USP6NL: variants seen among roughly 807,000 people sequenced by gnomAD.
USP6NL encodes USP6 N-terminal like, also known as USP6 N-terminal-like protein.
USP6NL carries 26 observed loss-of-function variants against 61.9 expected under a neutral mutation model. The observed-to-expected ratio is 0.42, with a 90% confidence interval of 0.31 to 0.58. The LOEUF is 0.58. Among genes scored for constraint, USP6NL ranks in the 20% least tolerant of loss-of-function variants. The pLI, the probability that USP6NL is intolerant of heterozygous loss-of-function variation, is 0.16. For missense variants in USP6NL, 1,114 were observed against 1,034.3 expected, an observed-to-expected ratio of 1.08 and a Z score of -1.06; for synonymous variants, 432 against 390.1, an observed-to-expected ratio of 1.11 and a Z score of -1.27.
chr10:11,567,000 G>C (rs1837186849), intron 2 of USP6NL, among the ~76,000 whole-genome samples: 1 of 152,202 alleles, frequency 6.6e-6, no homozygotes, highest in Non-Finnish European at 1.5e-5. Flanking sequence ...TGTAGTCCCA[G>C]CTACTTGGGA....
chr10:11,485,144 C>CT lies in USP6NL; in HGVS notation c.825+24dup, dbSNP rs1566125828. On this transcript the variant is annotated intron_variant, in intron 12 of 14. Transcript: ENST00000609104. The surrounding 1 kb of genome is among the most constrained non-coding windows in gnomAD (Gnocchi z 4.8). ...TCACCTTGTATTTATAATTTTATGACTGAGTTTTGTAAATAAATACTTACA... is the reference window on the plus strand; with the variant it reads ...TCACCTTGTATTTATAATTTTATGACTTGAGTTTTGTAAATAAATACTTACA... The CT allele has an allele frequency of 6.5e-7, 1 of 1,538,056 alleles. No homozygotes were observed. The highest frequency in any genetic ancestry group is 2.4e-5 in the East Asian group (1 of 40,884).
intron 8 of USP6NL, among the ~76,000 whole-genome samples, chr10:11,492,266 T>C (rs1833736092): frequency 6.6e-6 from 1 of 152,250 alleles, no homozygotes; most frequent in Non-Finnish European, 1.5e-5. Context: ...AAGGCTGGAC[T>C]GCAGTGGTTG....
rs1437770807 is a variant in USP6NL at position 11,461,372 on chromosome 10, T to C, written c.*1069A>G. The C allele has an allele frequency of 8.5e-5, 13 of 152,222 alleles. No individual in the cohort carries two copies. The highest frequency in any genetic ancestry group is 3.3e-4 in the Admixed American group (5 of 15,282). 9.4% of individuals were successfully genotyped at this position (152,222 alleles called of 1,614,324 possible). A position where few individuals can be genotyped will look rare whatever the true frequency, so the allele number is the denominator to read the frequency against. ...TAGGATCATTTTTATAATTTTAACA[T>C]GGACAATGTAATGGCCTGATGAGGT... On this transcript the variant is annotated 3_prime_UTR_variant, in exon 15 of 15. Coordinates refer to ENST00000609104, the MANE Select transcript of USP6NL (RefSeq NM_014688.5).
chr10:11,580,649 T>C (rs940059254), intron 2 of USP6NL, among the ~76,000 whole-genome samples: 4 of 152,176 alleles, frequency 2.6e-5, no homozygotes, highest in Non-Finnish European at 4.4e-5. Flanking sequence ...TGTGACTTCA[T>C]TGTCCTAGGG....
chr10:11,501,739 T>C (rs1834205929), intron 6 of USP6NL, among the ~76,000 whole-genome samples: 1 of 152,170 alleles, frequency 6.6e-6, no homozygotes, highest in Non-Finnish European at 1.5e-5. Flanking sequence ...ATCTGAAAAC[T>C]CCAGTTAATC....
At chr10:11,606,793 T>TTCTTTTTTTTTTTTTG (rs1838718078) in intron 1 of USP6NL, among the ~76,000 whole-genome samples, 1 of 152,004 alleles carries the variant, frequency 6.6e-6, no homozygotes, top group African/African-American at 2.4e-5. Context: ...TTGAAATTTT[T>TTCTTTTTTTTTTTTTG]TCTTTTTTTT....
In USP6NL at chr10:11,462,395, G is replaced by A; in HGVS notation, c.*46C>T. The A allele has an allele frequency of 1.9e-6, 3 of 1,578,066 alleles. No individual in the cohort carries two copies. Among genetic ancestry groups the A allele is most frequent in the Non-Finnish European group, 1.7e-6 (2 of 1,162,130 alleles). ...GGCAATTATGAACATAGCAATGTAG[G>A]TTTCACGTGGTTTCTCTCTCGTCTT... On this transcript the variant is annotated 3_prime_UTR_variant, in exon 15 of 15. Transcript: ENST00000609104.
At chr10:11,538,139 G>C (rs1835907436) in intron 2 of USP6NL, among the ~76,000 whole-genome samples, 1 of 152,112 alleles carries the variant, frequency 6.6e-6, no homozygotes, top group South Asian at 2.1e-4. Flanking sequence ...TCCTGGGTCA[G>C]CTTCTATTAT....
At chr10:11,500,406 A>G (rs1443063443) in intron 7 of USP6NL, among the ~76,000 whole-genome samples, 1 of 152,004 alleles carries the variant, frequency 6.6e-6, no homozygotes, top group Non-Finnish European at 1.5e-5. Context: ...TTTTTTGTAC[A>G]TATTTTCTAA....
chr10:11,577,569 C>T (rs1837597605), intron 2 of USP6NL, among the ~76,000 whole-genome samples: 2 of 152,088 alleles, frequency 1.3e-5, no homozygotes, highest in Non-Finnish European at 2.9e-5. Context: ...GGCGCAATCT[C>T]GGCTCACTGC....
chr10:11,505,647 G>A (rs1284411619), intron 6 of USP6NL, among the ~76,000 whole-genome samples: 2 of 151,924 alleles, frequency 1.3e-5, no homozygotes, highest in Non-Finnish European at 2.9e-5. Flanking sequence ...GTCTACAGTA[G>A]TCCCACAGAA....
intron 2 of USP6NL, among the ~76,000 whole-genome samples, chr10:11,534,628 AGAGT>A (rs1176639587): frequency 2.6e-5 from 4 of 152,362 alleles, no homozygotes; most frequent in Admixed American, 2.6e-4. Flanking sequence ...AGCAATTAAC[AGAGT>A]GAGAAAAGTC....
intron 14 of USP6NL, among the ~76,000 whole-genome samples, chr10:11,477,029 G>A (rs889006599): frequency 3.3e-5 from 5 of 151,996 alleles, no homozygotes; most frequent in Non-Finnish European, 7.4e-5. Context: ...CTGCCACCAC[G>A]CCCCGCTGAT....
chr10:11,493,544 T>C lies in USP6NL; in HGVS notation c.385-316A>G, dbSNP rs112849458. On this transcript the variant is annotated intron_variant, in intron 7 of 14. Transcript: ENST00000609104. ...TGCTGAACTATGTGAAAGTTCTTCA[T>C]GGCTGAGCCATGCAGTCTGTTATGA... 5.0e-3 allele frequency among the ~76,000 whole-genome samples: 760 copies of C among 152,360 alleles called. 8 individuals are homozygous for C. Among genetic ancestry groups the C allele is most frequent in the African/African-American group, 0.016 (667 of 41,576 alleles).
At position 11,489,075 on chromosome 10, in the gene USP6NL, T is replaced by C. The variant is rs142091044; in HGVS notation, c.664+27A>G. ...TCTACTTTTTTCCCTACCTTGATTG[T>C]TTAGATAAAGCACAGGGTTTTCTTA... is the stretch of plus-strand genomic sequence containing the variant. On this transcript the variant is annotated intron_variant, in intron 10 of 14. Transcript: ENST00000609104. The surrounding 1 kb of genome is among the most constrained non-coding windows in gnomAD (Gnocchi z 5.7). 14 of 1,610,346 alleles carry C rather than the reference T, an allele frequency of 8.7e-6. No homozygotes were observed. In the East Asian group the frequency reaches 2.7e-4, roughly 31 times the overall value.
chr10:11,486,331 C>CTCTAAGAATTTCATTAG (rs1833470551), intron 10 of USP6NL, among the ~76,000 whole-genome samples: 1 of 152,020 alleles, frequency 6.6e-6, no homozygotes, highest in South Asian at 2.1e-4. Context: ...TTCAGGCTTA[C>CTCTAAGAATTTCATTAG]TCTAAGAATT....
chr10:11,578,392 G>A (rs912140020), intron 2 of USP6NL, among the ~76,000 whole-genome samples: 4 of 152,076 alleles, frequency 2.6e-5, no homozygotes, highest in East Asian at 1.9e-4. Context: ...GGTTCTAACC[G>A]GCATACTTTT....
intron 6 of USP6NL, among the ~76,000 whole-genome samples, chr10:11,505,863 C>CATA (rs1834407849): frequency 6.6e-6 from 1 of 152,196 alleles, no homozygotes; most frequent in African/African-American, 2.4e-5. Flanking sequence ...ACTCGAGCTG[C>CATA]TTATGCCTTT....
At chr10:11,503,079 T>C (rs752436990) in intron 6 of USP6NL, among the ~76,000 whole-genome samples, 7 of 152,224 alleles carry the variant, frequency 4.6e-5, no homozygotes, top group Non-Finnish European at 7.3e-5. Context: ...TTTAAAGTAA[T>C]ATCATCCACA....
Sources: allele counts gnomAD v4.1 joint callset (sites outside exome capture counted in the v4.1 genomes callset), GRCh38; gene constraint gnomAD v4.1.1; non-coding constraint Gnocchi (gnomAD v3.1); transcripts MANE v1.5; gene names NCBI Gene and HGNC (gene_info 2026-07-23, HGNC 2026-07-21).